ZNF37A: variants seen among roughly 807,000 people sequenced by gnomAD.
ZNF37A encodes zinc finger protein 37A.
ZNF37A carries 10 observed loss-of-function variants against 12.3 expected under a neutral mutation model. That is an observed-to-expected ratio of 0.82 (90% confidence interval 0.50 to 1.38). The LOEUF is 1.38. ZNF37A is among the 40% of genes most tolerant of loss of function. ZNF37A has a pLI of 0.00. For missense variants in ZNF37A, 580 were observed against 651.2 expected (o/e 0.89, Z 1.19); for synonymous variants, 207 against 223.0 (o/e 0.93, Z 0.64).
At chr10:38,117,032 C>T in intron 7 of ZNF37A, 1 of 281,198 alleles carries the variant, frequency 3.6e-6, no homozygotes, top group Non-Finnish European at 5.4e-6. Context: ...TCACTTGAAC[C>T]CAGGAAGCGG....
chr10:38,117,366 C>A, intron 7 of ZNF37A, 24 bp from the exon 8 acceptor site: 1 of 1,536,628 alleles, frequency 6.5e-7, no homozygotes, highest in South Asian at 1.3e-5. Flanking sequence ...GTCAACTAAC[C>A]TTTCTTTTCA....
Position 38,124,618 on chromosome 10 carries a change from A to T in ZNF37A, c.*5781A>T, listed in dbSNP as rs2069892504. 1 of 152,188 alleles carries T rather than the reference A, an allele frequency of 6.6e-6. No individual in the cohort carries two copies. Among genetic ancestry groups the T allele is most frequent in the Non-Finnish European group, 1.5e-5 (1 of 68,028 alleles). 9.4% of individuals were successfully genotyped at this position (152,188 alleles called of 1,614,324 possible). A position where few individuals can be genotyped will look rare whatever the true frequency, so the allele number is the denominator to read the frequency against. ...TTAAAAATAAAGTAAAATTTCAATG[A>T]TTAGGAAGACCATTGTTAATATCAG... On this transcript the variant is annotated 3_prime_UTR_variant, in exon 8 of 8. Transcript: ENST00000685332.
At chr10:38,102,217 C>G (rs1204760130) in intron 5 of ZNF37A, among the ~76,000 whole-genome samples, 2 of 151,982 alleles carry the variant, frequency 1.3e-5, no homozygotes, top group African/African-American at 4.8e-5. Flanking sequence ...AGGACTTATG[C>G]CATTTTGCTA....
chr10:38,112,797 T>G (rs528853709), intron 5 of ZNF37A, among the ~76,000 whole-genome samples: 4,873 of 57,480 alleles, frequency 0.085, 789 homozygotes, highest in African/African-American at 0.1. Flanking sequence ...TTTCTTTTCT[T>G]GTCTTGTCTT....
Position 38,115,268 on chromosome 10 carries a change from A to C in ZNF37A, c.216A>C (p.Lys72Asn). The C allele has an allele frequency of 6.2e-7, 1 of 1,613,730 alleles. No individual in the cohort carries two copies. The highest frequency in any genetic ancestry group is 8.5e-7 in the Non-Finnish European group (1 of 1,179,892). ...AGGAGCCATGGATATTAGAGGAAAAATTTCCAAGCCAGAGTCATCTGGGTG... is the reference window on the plus strand; with the variant it reads ...AGGAGCCATGGATATTAGAGGAAAACTTTCCAAGCCAGAGTCATCTGGGTG... The part of the protein sequence containing the change: ...KGEEPWILEE[K>N]FPSQSHLELI... Residue 72 changes from lysine to asparagine, a missense_variant, in exon 7 of 8, where the codon AAA becomes AAC. Lys to Asn is a moderately conservative substitution (Grantham distance 94). Coordinates refer to ENST00000685332, the MANE Select transcript of ZNF37A (RefSeq NM_001324250.3).
chr10:38,115,043 G>T (rs1188633691), intron 6 of ZNF37A, 152 bp from the exon 7 acceptor site: 8 of 1,206,990 alleles, frequency 6.6e-6, no homozygotes, highest in Non-Finnish European at 9.2e-6. Flanking sequence ...GTTTTCCTCT[G>T]CCCCCATGAC....
downstream of ZNF37A, among the ~76,000 whole-genome samples, chr10:38,125,782 C>T (rs2069916383): frequency 2.0e-5 from 3 of 151,966 alleles, no homozygotes; most frequent in Admixed American, 6.6e-5. Context: ...TAAAGAAATA[C>T]CTGAGACTGG....
At chr10:38,112,269 A>C (rs555651570) in intron 5 of ZNF37A, among the ~76,000 whole-genome samples, 1 of 152,082 alleles carries the variant, frequency 6.6e-6, no homozygotes, top group East Asian at 1.9e-4. Flanking sequence ...GCTTGCTTGC[A>C]CTGAGCACAG....
chr10:38,111,864 T>C (rs1365428089), intron 5 of ZNF37A, among the ~76,000 whole-genome samples: 1 of 152,002 alleles, frequency 6.6e-6, no homozygotes, highest in African/African-American at 2.4e-5. Context: ...TTCAGCACTT[T>C]GAATATATCA....
At chr10:38,129,560 T>G (rs1005442603), downstream of ZNF37A, among the ~76,000 whole-genome samples, 5 of 152,110 alleles carry the variant, frequency 3.3e-5, no homozygotes, top group African/African-American at 7.2e-5. Context: ...AAACTATAAC[T>G]TGGCTACTCT....
At chr10:38,128,275 T>A (rs531074743), downstream of ZNF37A, among the ~76,000 whole-genome samples, 2 of 152,258 alleles carry the variant, frequency 1.3e-5, no homozygotes, top group South Asian at 4.1e-4. Context: ...TTAACAGGCT[T>A]AACTAATTCA....
At chr10:38,135,490 A>T (rs1384109005) in intron 7 of ZNF37A, among the ~76,000 whole-genome samples, 1 of 152,226 alleles carries the variant, frequency 6.6e-6, no homozygotes, top group Non-Finnish European at 1.5e-5. Context: ...ATAGATTACT[A>T]ATTATTTTTA....
At chr10:38,148,408 T>G (rs185162668) in exon 8 of ZNF37A, 1 of 152,324 alleles carries the variant, frequency 6.6e-6, no homozygotes, top group African/African-American at 2.4e-5. Flanking sequence ...CAGAGCCAAA[T>G]GAAGAGAGTT....
intron 5 of ZNF37A, among the ~76,000 whole-genome samples, chr10:38,103,755 C>T (rs753760114): frequency 1.9e-4 from 29 of 152,150 alleles, no homozygotes; most frequent in South Asian, 6.2e-4. Context: ...TTTGTAAAGT[C>T]AGTGTTCTTT....
Position 38,100,679 on chromosome 10 carries a change from C to T in ZNF37A, c.15+4047C>T, listed in dbSNP as rs145862158. 2.0e-3 allele frequency among the ~76,000 whole-genome samples: 305 copies of T among 152,222 alleles called. 1 individual carries two copies. Among genetic ancestry groups the T allele is most frequent in the African/African-American group, 6.5e-3 (272 of 41,540 alleles). Reference sequence around the variant, plus strand: ...AAGGTGCCCAGATTTCGTATTTGTGCAAACACACAAGCTCTACAATTTGTG... The same window carrying T: ...AAGGTGCCCAGATTTCGTATTTGTGTAAACACACAAGCTCTACAATTTGTG... On this transcript the variant is annotated intron_variant, in intron 5 of 7. Coordinates refer to ENST00000685332, the MANE Select transcript of ZNF37A (RefSeq NM_001324250.3).
intron 7 of ZNF37A, among the ~76,000 whole-genome samples, chr10:38,130,924 A>T (rs943128492): frequency 1.3e-5 from 2 of 152,080 alleles, no homozygotes; most frequent in Non-Finnish European, 2.9e-5. Context: ...TCTAATTGTG[A>T]TTGATATTTG....
Position 38,095,241 on chromosome 10 carries a change from G to C in ZNF37A, c.-198+17G>C, listed in dbSNP as rs1055890477. 3 of 152,482 alleles carry C rather than the reference G, an allele frequency of 2.0e-5. No individual in the cohort carries two copies. Among genetic ancestry groups the C allele is most frequent in the South Asian group, 4.1e-4 (2 of 4,826 alleles). 9.4% of individuals were successfully genotyped at this position (152,482 alleles called of 1,614,324 possible). A position where few individuals can be genotyped will look rare whatever the true frequency, so the allele number is the denominator to read the frequency against. Reference sequence around the variant, plus strand: ...TGTTGTGGGGTAAGAAGGGAAGGGTGGGGGGCGAGGGCCCAGGGGCCCTCC... The same window carrying C: ...TGTTGTGGGGTAAGAAGGGAAGGGTCGGGGGCGAGGGCCCAGGGGCCCTCC... On this transcript the variant is annotated intron_variant, in intron 2 of 7. Coordinates refer to ENST00000685332, the MANE Select transcript of ZNF37A (RefSeq NM_001324250.3).
At position 38,138,663 on chromosome 10, in the gene ZNF37A, A is replaced by G. The variant is rs2070142217; in HGVS notation, c.239-8069A>G. 3 of 152,238 alleles carry G rather than the reference A, an allele frequency of 2.0e-5. No homozygotes were observed. In the South Asian group the frequency reaches 6.2e-4, roughly 31 times the overall value. 9.4% of individuals were successfully genotyped at this position (152,238 alleles called of 1,614,324 possible). A position where few individuals can be genotyped will look rare whatever the true frequency, so the allele number is the denominator to read the frequency against. Reference sequence around the variant, plus strand: ...AAGGACTGTCAGTTCTTAATTTATTAGCAGCACATGCTCACCAGGAACCCG... The same window carrying G: ...AAGGACTGTCAGTTCTTAATTTATTGGCAGCACATGCTCACCAGGAACCCG... On this transcript the variant is annotated intron_variant, in intron 7 of 7. Transcript: ENST00000638053.
chr10:38,109,346 T>C (rs1304396269), intron 5 of ZNF37A, among the ~76,000 whole-genome samples: 3 of 152,080 alleles, frequency 2.0e-5, no homozygotes, highest in African/African-American at 7.2e-5. Context: ...CTCAAAATAA[T>C]AATAAGAGCT....
Sources: gnomAD v4.1 joint callset for allele counts (sites outside exome capture counted in the v4.1 genomes callset) on GRCh38, gnomAD v4.1.1 for gene constraint, MANE v1.5 for transcripts, NCBI Gene and HGNC (gene_info 2026-07-23, HGNC 2026-07-21) for gene names.